TRIM44: variants seen among roughly 807,000 people sequenced by gnomAD.
The protein encoded by TRIM44 is tripartite motif-containing protein 44.
In TRIM44, 13 loss-of-function variants were observed where a neutral mutation model predicts 37.4. That is an observed-to-expected ratio of 0.35 (90% CI 0.23 to 0.55). The LOEUF (loss-of-function observed/expected upper bound fraction) is 0.55. TRIM44 is among the 20% of genes least tolerant of loss of function. The pLI is 0.89. For missense variants in TRIM44, 426 were observed against 437.2 expected, an observed-to-expected ratio of 0.97 and a Z score of 0.23; for synonymous variants, 175 against 157.2, an observed-to-expected ratio of 1.11 and a Z score of -0.85.
chr11:35,763,778 C>T (rs796376103), intron 4 of TRIM44, among the ~76,000 whole-genome samples: 27 of 152,274 alleles, frequency 1.8e-4, no homozygotes, highest in African/African-American at 6.5e-4. Flanking sequence ...TCGTAGCCTT[C>T]GCTTTCTCCT....
intron 1 of TRIM44, among the ~76,000 whole-genome samples, chr11:35,677,147 G>A (rs1851467805): frequency 6.6e-6 from 1 of 152,154 alleles, no homozygotes; most frequent in South Asian, 2.1e-4. Flanking sequence ...AAGTTTTGCT[G>A]ACAGTTACTT....
chr11:35,798,375 G>A (rs956191222), intron 4 of TRIM44, among the ~76,000 whole-genome samples: 3 of 152,126 alleles, frequency 2.0e-5, no homozygotes, highest in Admixed American at 1.3e-4. Context: ...TTTTCCCTTT[G>A]GCTTAGTGAT....
chr11:35,722,561 C>A (rs190822946), intron 2 of TRIM44, among the ~76,000 whole-genome samples: 13 of 152,302 alleles, frequency 8.5e-5, no homozygotes, highest in Non-Finnish European at 1.0e-4. Context: ...CCTTTTTAGA[C>A]CATATAGAGT....
At chr11:35,704,941 G>A (rs1851856152) in intron 2 of TRIM44, among the ~76,000 whole-genome samples, 1 of 149,660 alleles carries the variant, frequency 6.7e-6, no homozygotes, top group Non-Finnish European at 1.5e-5. Context: ...TGGACTAAAT[G>A]CTCCAATTAA....
At chr11:35,727,123 A>G (rs1045077738) in intron 3 of TRIM44, among the ~76,000 whole-genome samples, 1 of 150,468 alleles carries the variant, frequency 6.6e-6, no homozygotes, top group African/African-American at 2.5e-5. Context: ...GTGCCATTGC[A>G]CTCCACCCTG....
At chr11:35,726,854 T>G (rs1014482250) in intron 3 of TRIM44, among the ~76,000 whole-genome samples, 1 of 148,848 alleles carries the variant, frequency 6.7e-6, no homozygotes, top group Non-Finnish European at 1.5e-5. Context: ...TTATTTAAGG[T>G]AGCCATTAAA....
intron 4 of TRIM44, among the ~76,000 whole-genome samples, chr11:35,778,182 T>C (rs879362708): frequency 4.6e-5 from 7 of 152,184 alleles, no homozygotes; most frequent in Non-Finnish European, 7.3e-5. Flanking sequence ...TCTAAACTTC[T>C]CTTCTGGCTT....
chr11:35,802,033 T>C (rs907822092), intron 4 of TRIM44, among the ~76,000 whole-genome samples: 2 of 152,210 alleles, frequency 1.3e-5, no homozygotes, highest in African/African-American at 2.4e-5. Context: ...GTCAAAACTT[T>C]GGCACTGTGA....
At chr11:35,749,719 C>G (rs1472280382) in intron 4 of TRIM44, among the ~76,000 whole-genome samples, 2 of 152,162 alleles carry the variant, frequency 1.3e-5, no homozygotes, top group Non-Finnish European at 2.9e-5. Context: ...TTGATAATCA[C>G]TATTTAAAAC....
intron 4 of TRIM44, among the ~76,000 whole-genome samples, chr11:35,769,665 C>T (rs1852840871): frequency 6.6e-6 from 1 of 152,048 alleles, no homozygotes; most frequent in Non-Finnish European, 1.5e-5. Flanking sequence ...GTTTGAATGA[C>T]CCAGTGATTA....
chr11:35,687,669 G>T (rs1851597264), intron 2 of TRIM44, among the ~76,000 whole-genome samples: 1 of 152,176 alleles, frequency 6.6e-6, no homozygotes, highest in Non-Finnish European at 1.5e-5. Flanking sequence ...CTTTATGAAT[G>T]CATGTAGTGC....
chr11:35,685,104 A>G (rs529973206), intron 1 of TRIM44, among the ~76,000 whole-genome samples, 155 bp from the exon 2 acceptor site: 1 of 152,368 alleles, frequency 6.6e-6, no homozygotes, highest in African/African-American at 2.4e-5. Flanking sequence ...TCCATAGAGA[A>G]GGGAAAGAGG....
rs1025688446 is a variant in TRIM44, at chr11:35,706,020, C to T, written c.748-19904C>T. On this transcript the variant is annotated intron_variant, in intron 2 of 4. Transcript: ENST00000299413. ...CAAAATTGATAGACTGCTAGCAAGACTAATAAAGAAGAAAAGAGAGAAGAA... is the reference window on the plus strand; with the variant it reads ...CAAAATTGATAGACTGCTAGCAAGATTAATAAAGAAGAAAAGAGAGAAGAA... 2.0e-5 allele frequency among the ~76,000 whole-genome samples: 3 copies of T among 148,282 alleles called. No individual in the cohort carries two copies. In the Admixed American group the frequency reaches 2.0e-4, roughly 10 times the overall value.
intron 2 of TRIM44, among the ~76,000 whole-genome samples, chr11:35,722,563 A>G (rs899051116): frequency 6.6e-6 from 1 of 152,232 alleles, no homozygotes; most frequent in African/African-American, 2.4e-5. Flanking sequence ...TTTTTAGACC[A>G]TATAGAGTAA....
chr11:35,678,590 T>A (rs1434089664), intron 1 of TRIM44, among the ~76,000 whole-genome samples: 2 of 151,864 alleles, frequency 1.3e-5, no homozygotes, highest in Non-Finnish European at 1.5e-5. Flanking sequence ...TCCTCTCCCC[T>A]CCCTCTCCCC....
intron 2 of TRIM44, among the ~76,000 whole-genome samples, chr11:35,705,858 A>G (rs373343488): frequency 2.7e-5 from 4 of 148,572 alleles, no homozygotes; most frequent in African/African-American, 7.3e-5. Context: ...AAGAACTAGA[A>G]AAGCAAGAGC....
chr11:35,696,856 AAC>A (rs1292189334), intron 2 of TRIM44, among the ~76,000 whole-genome samples: 3 of 151,962 alleles, frequency 2.0e-5, no homozygotes, highest in African/African-American at 7.3e-5. Context: ...CAAAAAAAAA[AAC>A]AACAATTAAT....
chr11:35,796,279 T>A (rs778218800), intron 4 of TRIM44, among the ~76,000 whole-genome samples: 4 of 152,232 alleles, frequency 2.6e-5, no homozygotes, highest in Non-Finnish European at 5.9e-5. Context: ...ACACACACAC[T>A]TGTGCATGCA....
At chr11:35,783,756 CT>C (rs1052156020) in intron 4 of TRIM44, among the ~76,000 whole-genome samples, 1 of 152,080 alleles carries the variant, frequency 6.6e-6, no homozygotes, top group African/African-American at 2.4e-5. Context: ...TGGAAGGGCA[CT>C]TTGGAGGTAA....
Sources: allele counts gnomAD v4.1 joint callset (sites outside exome capture counted in the v4.1 genomes callset), GRCh38; gene constraint gnomAD v4.1.1; transcripts MANE v1.5; gene names NCBI Gene and HGNC (gene_info 2026-07-23, HGNC 2026-07-21).